AK7: variants seen among roughly 807,000 people sequenced by gnomAD.
The protein encoded by AK7 is ATP-AMP transphosphorylase 7.
In AK7, 78 loss-of-function variants were observed where a neutral mutation model predicts 96.6. The observed-to-expected ratio is 0.81, with a 90% CI of 0.67 to 0.97. The LOEUF is 0.97. AK7 is among the 50% of genes least tolerant of loss of function. The pLI, the probability that AK7 is intolerant of heterozygous loss-of-function variation, is 0.00. For synonymous variants in AK7, 302 were observed against 317.2 expected, an observed-to-expected ratio of 0.95 and a Z score of 0.51; for missense variants, 855 against 887.9, an observed-to-expected ratio of 0.96 and a Z score of 0.47.
At chr14:96,457,404 G>A (rs1464461549) in intron 11 of AK7, among the ~76,000 whole-genome samples, 1 of 152,080 alleles carries the variant, frequency 6.6e-6, no homozygotes, top group Non-Finnish European at 1.5e-5. Flanking sequence ...TAACATTTTA[G>A]AAATGCTTTT....
At chr14:96,444,236 A>T (rs180913976) in intron 7 of AK7, among the ~76,000 whole-genome samples, 121 of 152,230 alleles carry the variant, frequency 7.9e-4, no homozygotes, top group Non-Finnish European at 1.6e-3. Flanking sequence ...ATCCCTGGGG[A>T]TGGAGGGGCC....
At chr14:96,398,286 A>G (rs1890199840) in intron 2 of AK7, 23 bp downstream of exon 2, 1 of 1,611,038 alleles carries the variant, frequency 6.2e-7, no homozygotes, top group Admixed American at 1.7e-5. Context: ...GGCTCTGGCC[A>G]GGAGTAGACA....
intron 12 of AK7, among the ~76,000 whole-genome samples, chr14:96,465,881 A>C (rs1189428716): frequency 2.0e-5 from 3 of 151,700 alleles, no homozygotes; most frequent in African/African-American, 7.3e-5. Context: ...GCGGTGGCAG[A>C]TGCCTGTAAT....
At chr14:96,420,139 T>A (rs2140038045) in intron 4 of AK7, among the ~76,000 whole-genome samples, 1 of 151,786 alleles carries the variant, frequency 6.6e-6, no homozygotes, top group African/African-American at 2.4e-5. Context: ...GTGCTGGGAT[T>A]ACAGGCATGA....
intron 4 of AK7, among the ~76,000 whole-genome samples, chr14:96,416,974 G>A (rs1359606384): frequency 6.6e-6 from 1 of 152,188 alleles, no homozygotes; most frequent in African/African-American, 2.4e-5. Context: ...GGAAGAGATT[G>A]GCCATCCAAC....
At chr14:96,417,465 A>G (rs1020937880) in intron 4 of AK7, among the ~76,000 whole-genome samples, 1 of 152,222 alleles carries the variant, frequency 6.6e-6, no homozygotes, top group Non-Finnish European at 1.5e-5. Flanking sequence ...TACTGTGTAC[A>G]CAGAATTGAA....
At chr14:96,423,806 A>G in intron 5 of AK7, 1 of 756,964 alleles carries the variant, frequency 1.3e-6, no homozygotes, top group Non-Finnish European at 2.4e-6. Context: ...GGGGGACGCC[A>G]CCTTGAATTT....
At chr14:96,471,752 T>C in intron 13 of AK7, 146 bp downstream of exon 13, 1 of 601,648 alleles carries the variant, frequency 1.7e-6, no homozygotes, top group Non-Finnish European at 2.4e-6. Flanking sequence ...TTTACGTAGC[T>C]TTTTTTTTTC....
At chr14:96,444,716 CTT>C (rs543549862) in intron 7 of AK7, among the ~76,000 whole-genome samples, 3 of 144,816 alleles carry the variant, frequency 2.1e-5, no homozygotes, top group African/African-American at 2.5e-5. Context: ...GTTATCTTTC[CTT>C]TTTTTTTTTT....
intron 5 of AK7, among the ~76,000 whole-genome samples, chr14:96,433,970 G>C (rs1220708230): frequency 3.9e-5 from 6 of 152,194 alleles, no homozygotes; most frequent in Non-Finnish European, 2.9e-5. Flanking sequence ...GTGTTTTCTT[G>C]ATTTTCTTTG....
Position 96,392,263 on chromosome 14 carries a change from AGCG to A in AK7, c.105+16_105+18del, listed in dbSNP as rs777371399. The stretch of plus-strand genomic sequence containing the variant: ...CAGCAGCGGAAACATCGGGAAGGTG[AGCG>A]GCGGCGGCGGCCCAGAGCCTCACGC... On this transcript the variant is annotated splice_donor_5th_base_variant and intron_variant, in intron 1 of 17. Coordinates refer to ENST00000267584, the MANE Select transcript of AK7 (RefSeq NM_152327.5). 6.2e-6 allele frequency: 10 copies of A among 1,609,976 alleles called. No individual in the cohort carries two copies. The highest frequency in any genetic ancestry group is 1.3e-5 in the African/African-American group (1 of 74,920).
chr14:96,468,431 G>A (rs1894705142), intron 12 of AK7, among the ~76,000 whole-genome samples: 1 of 151,636 alleles, frequency 6.6e-6, no homozygotes. Context: ...GAGTAGCTGG[G>A]ACTACAGGCA....
At chr14:96,470,981 A>T (rs1894852171) in intron 12 of AK7, among the ~76,000 whole-genome samples, 1 of 152,130 alleles carries the variant, frequency 6.6e-6, no homozygotes. Flanking sequence ...TCTTGCAGAC[A>T]AGTTCACTGG....
intron 3 of AK7, 92 bp downstream of exon 3, chr14:96,404,957 G>A (rs1321421814): frequency 3.7e-6 from 3 of 819,504 alleles, no homozygotes; most frequent in East Asian, 2.6e-5. Flanking sequence ...GACAAAGTAG[G>A]GCTATAGAAA....
At chr14:96,475,902 C>T (rs1364225818) in intron 14 of AK7, among the ~76,000 whole-genome samples, 1 of 151,740 alleles carries the variant, frequency 6.6e-6, no homozygotes, top group African/African-American at 2.4e-5. Flanking sequence ...TCTCTTGAGC[C>T]CAGGAGGTCA....
In AK7 at chr14:96,445,283, G is replaced by A. The variant is rs550878710; in HGVS notation, c.780-1234G>A. On this transcript the variant is annotated intron_variant, in intron 7 of 17. Transcript: ENST00000267584. ...GTCTTTTGACAGACCCTTTTAAGTAGCATTTTTTCCCCAGAGGTTTCTTTG... is the reference window on the plus strand; with the variant it reads ...GTCTTTTGACAGACCCTTTTAAGTAACATTTTTTCCCCAGAGGTTTCTTTG... Among the ~76,000 whole-genome samples, 81 of 152,278 alleles carry A rather than the reference G, an allele frequency of 5.3e-4. No homozygotes were observed. In the South Asian group the frequency reaches 0.015, roughly 29 times the overall value.
At chr14:96,411,145 A>G (rs1387649441) in intron 4 of AK7, among the ~76,000 whole-genome samples, 1 of 152,244 alleles carries the variant, frequency 6.6e-6, no homozygotes, top group African/African-American at 2.4e-5. Flanking sequence ...TCTCTACCTC[A>G]TGCCACACAC....
intron 1 of AK7, 74 bp downstream of exon 1, chr14:96,392,333 C>T (rs1889799100): frequency 7.3e-7 from 1 of 1,368,262 alleles, no homozygotes; most frequent in South Asian, 1.2e-5. Context: ...TCCGCAAACC[C>T]AGCGAGGGTC....
intron 12 of AK7, among the ~76,000 whole-genome samples, chr14:96,460,460 G>A (rs1029765680): frequency 6.6e-6 from 1 of 152,128 alleles, no homozygotes; most frequent in Non-Finnish European, 1.5e-5. Context: ...TGGCCAACTC[G>A]GATGTAAGTT....
Sources: gnomAD v4.1 joint callset for allele counts (sites outside exome capture counted in the v4.1 genomes callset) on GRCh38, gnomAD v4.1.1 for gene constraint, MANE v1.5 for transcripts, NCBI Gene and HGNC (gene_info 2026-07-23, HGNC 2026-07-21) for gene names.